RREB1: variants seen among roughly 807,000 people sequenced by gnomAD.
RREB1 encodes the protein ras-responsive element-binding protein 1.
In RREB1, 27 loss-of-function variants were observed where a neutral mutation model predicts 117.8. The observed-to-expected ratio is 0.23, with a 90% CI of 0.17 to 0.32. RREB1 has a LOEUF of 0.32. Ranked by LOEUF, RREB1 falls within the 10% of genes least tolerant of loss-of-function variation. The pLI, the probability that RREB1 is intolerant of heterozygous loss-of-function variation, is 1.00. For missense variants in RREB1, 2,577 were observed against 2,378.2 expected, an observed-to-expected ratio of 1.08 and a Z score of -1.74; for synonymous variants, 1,298 against 1,026.7, an observed-to-expected ratio of 1.26 and a Z score of -5.05.
chr6:7,230,421 G>T lies in RREB1; in HGVS notation c.2322G>T (p.Thr774=), dbSNP rs1478810926. Residue 774 remains threonine, a synonymous_variant, in exon 10 of 13, where the codon ACG becomes ACT. Transcript: ENST00000379938. The part of the protein sequence containing the change: ...HYRALRIHMR[T]HCGRGLGGGH... ...GTGCCCTGCGCATCCACATGCGCAC[G>T]CACTGCGGCCGCGGCCTGGGCGGGG... is the stretch of plus-strand genomic sequence containing the variant. The T allele has an allele frequency of 6.3e-7, 1 of 1,591,304 alleles. No homozygotes were observed. The highest frequency in any genetic ancestry group is 8.5e-7 in the Non-Finnish European group (1 of 1,174,714).
intron 1 of RREB1, among the ~76,000 whole-genome samples, chr6:7,145,354 T>C (rs1308789451): frequency 1.3e-5 from 2 of 152,224 alleles, no homozygotes; most frequent in African/African-American, 4.8e-5. Flanking sequence ...GTGATTAGTA[T>C]GTGTGTTGCT....
At chr6:7,196,218 G>GTTTTTTTTTTTGTTTTTTTTT (rs1765661799) in intron 6 of RREB1, among the ~76,000 whole-genome samples, 1 of 121,470 alleles carries the variant, frequency 8.2e-6, no homozygotes, top group Non-Finnish European at 1.7e-5. Context: ...TTTTTTTTTC[G>GTTTTTTTTTTTGTTTTTTTTT]TTTTTTTTTT....
chr6:7,109,513 C>T (rs954963800), intron 1 of RREB1, among the ~76,000 whole-genome samples: 54 of 152,048 alleles, frequency 3.6e-4, no homozygotes, highest in Admixed American at 1.0e-3. Flanking sequence ...CCACCTTTCT[C>T]TCCGGGCGGG....
intron 1 of RREB1, among the ~76,000 whole-genome samples, chr6:7,116,351 CT>C (rs113944793): frequency 7.2e-5 from 11 of 152,140 alleles, no homozygotes; most frequent in Admixed American, 7.2e-4. Flanking sequence ...ATTTTGTACT[CT>C]TTTTTTCAAG....
At chr6:7,208,913 A>G (rs1766426046) in intron 6 of RREB1, among the ~76,000 whole-genome samples, 1 of 152,178 alleles carries the variant, frequency 6.6e-6, no homozygotes, top group African/African-American at 2.4e-5. Context: ...GTTTGGGGGA[A>G]GAGCATGAGC....
In RREB1 at chr6:7,151,984, C is replaced by A. The variant is rs77717871; in HGVS notation, c.-284-24671C>A. Among the ~76,000 whole-genome samples, 36 of 152,286 alleles carry A rather than the reference C, an allele frequency of 2.4e-4. No homozygotes were observed. In the East Asian group the frequency reaches 6.8e-3, roughly 29 times the overall value. On this transcript the variant is annotated intron_variant, in intron 1 of 12. Transcript: ENST00000379938. ...TGTGAAATCACTTTTAGATGGCTTT[C>A]GTTTTCAAAACGTTGGATATTCTCA...
At chr6:7,175,549 C>T (rs140187518) in intron 1 of RREB1, among the ~76,000 whole-genome samples, 1 of 152,298 alleles carries the variant, frequency 6.6e-6, no homozygotes, top group East Asian at 1.9e-4. Flanking sequence ...GCAGTTGTTT[C>T]TCGCCCGGTG....
At chr6:7,142,196 C>T (rs1219093086) in intron 1 of RREB1, among the ~76,000 whole-genome samples, 2 of 148,396 alleles carry the variant, frequency 1.3e-5, no homozygotes, top group African/African-American at 5.0e-5. Context: ...GCCTGGGCAA[C>T]AAGAGTGAAA....
At chr6:7,161,647 A>G (rs1763668825) in intron 1 of RREB1, among the ~76,000 whole-genome samples, 1 of 152,122 alleles carries the variant, frequency 6.6e-6, no homozygotes, top group African/African-American at 2.4e-5. Flanking sequence ...GGTTATAGAT[A>G]TTTATTTGTA....
chr6:7,181,322 A>C (rs536648979), intron 3 of RREB1, 76 bp downstream of exon 3: 3 of 399,714 alleles, frequency 7.5e-6, no homozygotes, highest in Admixed American at 8.8e-5. Context: ...ATTTTTTAAG[A>C]AACAGGCTTT....
At chr6:7,163,540 C>T (rs369893970) in intron 1 of RREB1, among the ~76,000 whole-genome samples, 226 of 152,184 alleles carry the variant, frequency 1.5e-3, no homozygotes, top group African/African-American at 4.7e-3. Context: ...TACAGGCACC[C>T]GCCACCACGC....
chr6:7,211,788 C>T (rs1766624264), intron 8 of RREB1, 79 bp downstream of exon 8: 1 of 1,431,426 alleles, frequency 7.0e-7, no homozygotes, highest in East Asian at 2.3e-5. Flanking sequence ...CCCGTTACTC[C>T]ACACCGGGCT....
chr6:7,200,774 T>A (rs1765929925), intron 6 of RREB1, among the ~76,000 whole-genome samples: 2 of 152,348 alleles, frequency 1.3e-5, no homozygotes, highest in South Asian at 4.1e-4. Context: ...TATCACTGGT[T>A]CTCAAATTTA....
intron 1 of RREB1, among the ~76,000 whole-genome samples, chr6:7,150,409 G>A (rs376953901): frequency 1.4e-4 from 21 of 152,292 alleles, no homozygotes; most frequent in African/African-American, 4.3e-4. Context: ...TAGGGTTTTT[G>A]TGTGTTTTGG....
intron 1 of RREB1, among the ~76,000 whole-genome samples, chr6:7,155,606 C>T (rs989516976): frequency 4.6e-5 from 7 of 152,248 alleles, no homozygotes; most frequent in African/African-American, 7.2e-5. Context: ...CCACAGCATC[C>T]GGCCAGGACT....
chr6:7,145,335 C>T (rs1293904288), intron 1 of RREB1, among the ~76,000 whole-genome samples: 4 of 152,220 alleles, frequency 2.6e-5, no homozygotes, highest in Non-Finnish European at 4.4e-5. Context: ...TTCTTGCTGG[C>T]TTCTACCTGT....
chr6:7,122,383 A>G (rs112126081), intron 1 of RREB1, among the ~76,000 whole-genome samples: 1,719 of 152,286 alleles, frequency 0.011, 27 homozygotes, highest in African/African-American at 0.04. Flanking sequence ...TTCCTACCTC[A>G]GCCTCCTGAG....
chr6:7,152,310 A>G lies in RREB1; in HGVS notation c.-284-24345A>G, dbSNP rs531623397. The stretch of plus-strand genomic sequence containing the variant: ...ACTTTCTTGGTCTCTCTAATTTCTT[A>G]TAAGTGGTGTATTACATGATTTTAA... On this transcript the variant is annotated intron_variant, in intron 1 of 12. Coordinates refer to ENST00000379938, the MANE Select transcript of RREB1 (RefSeq NM_001003699.4). 1.4e-4 allele frequency among the ~76,000 whole-genome samples: 21 copies of G among 152,340 alleles called. No individual in the cohort carries two copies. The South Asian group carries it at 2.9e-3, about 21-fold the overall frequency.
At chr6:7,207,796 C>G (rs1013200226) in intron 6 of RREB1, among the ~76,000 whole-genome samples, 2 of 152,214 alleles carry the variant, frequency 1.3e-5, no homozygotes, top group African/African-American at 4.8e-5. Context: ...CGCAGTAGTC[C>G]TCTTACACTA....
Sources: allele counts gnomAD v4.1 joint callset (sites outside exome capture counted in the v4.1 genomes callset), GRCh38; gene constraint gnomAD v4.1.1; transcripts MANE v1.5; gene names NCBI Gene and HGNC (gene_info 2026-07-23, HGNC 2026-07-21).